Variants in PRUNE2 observed in about 807,000 individuals in gnomAD.
PRUNE2 encodes the protein prune homolog 2 with BCH domain.
Under a neutral mutation model 252.0 loss-of-function variants are expected in PRUNE2, and 164 were observed. That is an observed-to-expected ratio of 0.65 (90% CI 0.57 to 0.74). The LOEUF is 0.74. PRUNE2 is among the 30% of genes least tolerant of loss of function. PRUNE2 has a pLI of 0.00. For missense variants in PRUNE2, 3,495 were observed against 3,711.0 expected, an observed-to-expected ratio of 0.94 and a Z score of 1.51; for synonymous variants, 1,292 against 1,350.2, an observed-to-expected ratio of 0.96 and a Z score of 0.94.
chr9:76,845,461 CTTAGT>C, intron 4 of PRUNE2, among the ~76,000 whole-genome samples: 1 of 152,306 alleles, frequency 6.6e-6, no homozygotes, highest in Middle Eastern at 3.4e-3. Context: ...GTTGTGCTTA[CTTAGT>C]TTAGTTGAGG....
At chr9:76,693,300 T>C (rs1264880227) in intron 9 of PRUNE2, among the ~76,000 whole-genome samples, 1 of 146,994 alleles carries the variant, frequency 6.8e-6, no homozygotes, top group Non-Finnish European at 1.5e-5. Context: ...GGGGGGCAGG[T>C]GAGGAGGGGA....
chr9:76,677,190 G>A (rs1207582764), intron 9 of PRUNE2, among the ~76,000 whole-genome samples: 1 of 152,066 alleles, frequency 6.6e-6, no homozygotes, highest in Non-Finnish European at 1.5e-5. Context: ...TTTTGCAATG[G>A]TCTTTTCACT....
In PRUNE2 at chr9:76,680,592, C is replaced by A. The variant is rs140887682; in HGVS notation, c.8276+22745G>T. 2.8e-3 allele frequency among the ~76,000 whole-genome samples: 425 copies of A among 152,254 alleles called. 4 individuals carry two copies. The East Asian group carries it at 0.036, about 13-fold the overall frequency. ...GGATCTCAAAGAGATATTTGCACAA[C>A]CACATTCATAGCAGTTATAGGCATA... On this transcript the variant is annotated intron_variant, in intron 9 of 18. Coordinates refer to ENST00000376718, the MANE Select transcript of PRUNE2 (RefSeq NM_015225.3).
chr9:76,687,800 T>C lies in PRUNE2; in HGVS notation c.8276+15537A>G, dbSNP rs78199103. The C allele has an allele frequency of 8.7e-4, 177 of 202,708 alleles. 1 individual carries two copies. The East Asian group carries it at 9.3e-3, about 11-fold the overall frequency. 12.6% of individuals were successfully genotyped at this position (202,708 alleles called of 1,614,324 possible). ...AGGAGGATAAAGAGGAAAAGACACA[T>C]ACAGGTTCACACAAAACAGCACAGG... On this transcript the variant is annotated intron_variant, in intron 9 of 18. Transcript: ENST00000376718.
intron 6 of PRUNE2, among the ~76,000 whole-genome samples, chr9:76,724,128 T>C (rs570425965): frequency 2.7e-5 from 4 of 149,026 alleles, no homozygotes; most frequent in Non-Finnish European, 6.0e-5. Context: ...GAGAAAATGT[T>C]TGGGAGATAA....
intron 6 of PRUNE2, among the ~76,000 whole-genome samples, chr9:76,735,875 G>A (rs1405454679): frequency 6.6e-6 from 1 of 152,116 alleles, no homozygotes; most frequent in African/African-American, 2.4e-5. Flanking sequence ...ATCATACATA[G>A]TTATTTGATG....
intron 4 of PRUNE2, among the ~76,000 whole-genome samples, chr9:76,829,038 T>TAAAA (rs1554793279): frequency 8.3e-6 from 1 of 119,914 alleles, no homozygotes; most frequent in Non-Finnish European, 1.8e-5. Context: ...AAAAAAAAAT[T>TAAAA]CCCCTCTTTA....
chr9:76,669,263 C>T (rs2040830672), intron 9 of PRUNE2, among the ~76,000 whole-genome samples: 1 of 152,018 alleles, frequency 6.6e-6, no homozygotes, highest in South Asian at 2.1e-4. Context: ...TGTACAAGAT[C>T]ACACACAGTA....
rs547633681 is a variant in PRUNE2 at position 76,710,414 on chromosome 9, C to A, written c.1860G>T (p.Ser620=). Residue 620 remains serine, a synonymous_variant, in exon 8 of 19, where the codon TCG becomes TCT. Coordinates refer to ENST00000376718, the MANE Select transcript of PRUNE2 (RefSeq NM_015225.3). ...PTPMNSLVES[S]PSTEEPASLY... is the part of the protein sequence containing the mutation. ...GTGAGGCTGGTTCTTCAGTGGATGGCGAGCTTTCTACTAAACTATTCATGG... is the reference window on the plus strand; with the variant it reads ...GTGAGGCTGGTTCTTCAGTGGATGGAGAGCTTTCTACTAAACTATTCATGG... 6.2e-7 allele frequency: 1 copy of A among 1,613,896 alleles called. No homozygotes were observed. Among genetic ancestry groups the A allele is most frequent in the Non-Finnish European group, 8.5e-7 (1 of 1,179,882 alleles).
chr9:76,846,489 A>G, intron 4 of PRUNE2, 26 bp downstream of exon 4: 3 of 1,598,318 alleles, frequency 1.9e-6, no homozygotes, highest in Admixed American at 3.4e-5. Flanking sequence ...GCCTTCCAGT[A>G]TTTAATAGGA....
chr9:76,616,822 T>TAG (rs141957688), intron 18 of PRUNE2, among the ~76,000 whole-genome samples: 10,584 of 152,130 alleles, frequency 0.07, 990 homozygotes, highest in African/African-American at 0.2. Context: ...CTTCTTCAAA[T>TAG]AGAGCCACTC....
chr9:76,726,392 C>A (rs1014991168), intron 6 of PRUNE2, among the ~76,000 whole-genome samples: 7 of 152,184 alleles, frequency 4.6e-5, no homozygotes, highest in Non-Finnish European at 7.3e-5. Context: ...CACGCATACA[C>A]AGGCACACGC....
intron 1 of PRUNE2, among the ~76,000 whole-genome samples, chr9:76,894,716 G>GAAAAAAAAAAAAAAAAAAAAAAA (rs1170899729): frequency 9.0e-6 from 1 of 110,708 alleles, no homozygotes. Context: ...ATTTTCTGCA[G>GAAAAAAAAAAAAAAAAAAAAAAA]CAAAAAAAAA....
intron 6 of PRUNE2, among the ~76,000 whole-genome samples, chr9:76,720,203 C>A (rs972565615): frequency 1.3e-5 from 2 of 152,126 alleles, no homozygotes; most frequent in African/African-American, 4.8e-5. Flanking sequence ...ATTTTTATAA[C>A]CACATAAAAG....
chr9:76,839,287 C>G (rs1216566392), intron 4 of PRUNE2, among the ~76,000 whole-genome samples: 3 of 152,118 alleles, frequency 2.0e-5, no homozygotes, highest in Non-Finnish European at 4.4e-5. Flanking sequence ...ACCAGAGACA[C>G]AACAGTGAAG....
intron 6 of PRUNE2, among the ~76,000 whole-genome samples, chr9:76,762,892 C>G (rs1392172632): frequency 1.3e-5 from 2 of 152,214 alleles, no homozygotes; most frequent in Non-Finnish European, 2.9e-5. Context: ...AAGAAACCAG[C>G]AAACTGGATA....
intron 4 of PRUNE2, among the ~76,000 whole-genome samples, chr9:76,829,098 C>T (rs10869830): frequency 0.13 from 19,224 of 151,452 alleles, 1,361 homozygotes; most frequent in East Asian, 0.2. Flanking sequence ...ATCTGCCTCT[C>T]GCTCTGATAG....
chr9:76,885,335 G>T (rs186057966), intron 1 of PRUNE2, among the ~76,000 whole-genome samples: 3 of 152,254 alleles, frequency 2.0e-5, no homozygotes, highest in Admixed American at 6.5e-5. Context: ...CTAGCTTGGT[G>T]CTATAAAGGC....
chr9:76,887,504 CT>C (rs759624895), intron 1 of PRUNE2, among the ~76,000 whole-genome samples: 5 of 152,172 alleles, frequency 3.3e-5, no homozygotes, highest in African/African-American at 4.8e-5. Flanking sequence ...TAATCCGTCC[CT>C]GCACGGTGCC....
Sources: gnomAD v4.1 joint callset for allele counts (sites outside exome capture counted in the v4.1 genomes callset) on GRCh38, gnomAD v4.1.1 for gene constraint, MANE v1.5 for transcripts, NCBI Gene and HGNC (gene_info 2026-07-23, HGNC 2026-07-21) for gene names.